Variants in DLAT observed in about 807,000 individuals in gnomAD.
DLAT encodes dihydrolipoamide S-acetyltransferase.
Under a neutral mutation model 68.0 loss-of-function variants are expected in DLAT, and 43 were observed. That is an observed-to-expected ratio of 0.63 (90% CI 0.50 to 0.81). DLAT has a LOEUF of 0.81. Ranked by LOEUF, DLAT falls within the 40% of genes least tolerant of loss-of-function variation. The pLI is 0.00. For synonymous variants in DLAT, 265 were observed against 288.6 expected, an observed-to-expected ratio of 0.92 and a Z score of 0.83; for missense variants, 745 against 815.4, an observed-to-expected ratio of 0.91 and a Z score of 1.05.
intron 10 of DLAT, among the ~76,000 whole-genome samples, chr11:112,046,943 C>T (rs1368722548): frequency 3.9e-5 from 6 of 152,164 alleles, no homozygotes; most frequent in African/African-American, 1.4e-4. Context: ...GTGCATGTGT[C>T]TTTATAGTAG....
intron 5 of DLAT, among the ~76,000 whole-genome samples, chr11:112,035,957 AT>A (rs71060206): frequency 8.2e-5 from 12 of 147,106 alleles, no homozygotes; most frequent in East Asian, 6.2e-4. Context: ...TGCCTGGCTA[AT>A]TTTTGTATTT....
intron 2 of DLAT, among the ~76,000 whole-genome samples, chr11:112,027,858 C>A (rs1862155432): frequency 6.6e-6 from 1 of 152,100 alleles, no homozygotes; most frequent in African/African-American, 2.4e-5. Context: ...CAGTACAGTC[C>A]AGCTTCGGCT....
Position 112,041,227 on chromosome 11 carries a change from G to A in DLAT, c.1129+1830G>A, listed in dbSNP as rs782247925. 1.1e-4 allele frequency among the ~76,000 whole-genome samples: 16 copies of A among 152,280 alleles called. 1 individual carries two copies. Among genetic ancestry groups the A allele is most frequent in the African/African-American group, 3.1e-4 (13 of 41,568 alleles). On this transcript the variant is annotated intron_variant, in intron 7 of 13. Transcript: ENST00000280346. ...GTATATAAAAACATTAGGTTTAATG[G>A]TTGTGAGGTTTAAATAAGTTAACCA...
chr11:112,030,295 C>A, intron 4 of DLAT: 1 of 549,032 alleles, frequency 1.8e-6, no homozygotes, highest in South Asian at 1.4e-5. Flanking sequence ...TTTGTGCGGC[C>A]AACTTCCTGA....
intron 11 of DLAT, among the ~76,000 whole-genome samples, chr11:112,055,413 T>A (rs1445326988): frequency 2.6e-5 from 4 of 151,414 alleles, no homozygotes; most frequent in Non-Finnish European, 5.9e-5. Flanking sequence ...CCGGCTAATT[T>A]TTTTGTATTT....
chr11:112,050,359 T>C (rs1240458302), intron 10 of DLAT, among the ~76,000 whole-genome samples: 1 of 152,058 alleles, frequency 6.6e-6, no homozygotes, highest in African/African-American at 2.4e-5. Flanking sequence ...TCTTTGGTTT[T>C]GGTATCAGGC....
At position 112,025,654 on chromosome 11, in the gene DLAT, G is replaced by A; in HGVS notation, c.182G>A (p.Trp61Ter). The change falls in exon 1 of 14, where the codon TGG becomes TAG. Residue 61 changes from tryptophan to a stop codon, truncating the protein, a stop_gained. Transcript: ENST00000280346. LOFTEE classifies it high-confidence loss of function. ...GGCGGGGTCCGGGCACTGTGCGGCT[G>A]GACCCCCAGTTCTGGGGCCACGCCG... ...GYGGVRALCG[W>*]TPSSGATPRN... The A allele has an allele frequency of 6.2e-7, 1 of 1,613,234 alleles. No individual in the cohort carries two copies. The highest frequency in any genetic ancestry group is 8.5e-7 in the Non-Finnish European group (1 of 1,179,980).
Position 112,060,073 on chromosome 11 carries a change from A to G in DLAT, c.1677+8A>G, listed in dbSNP as rs201994231. The G allele has an allele frequency of 8.9e-5, 143 of 1,608,490 alleles. No homozygotes were observed. The African/African-American group carries it at 1.8e-3, about 20-fold the overall frequency. On this transcript the variant is annotated splice_region_variant and intron_variant, in intron 12 of 13. Transcript: ENST00000280346. ...CAGCCACATGAATTCCAGGTAGGGT[A>G]TTAATTATTGCTTTCTAATTATGTT...
intron 2 of DLAT, 41 bp from the exon 3 acceptor site, chr11:112,028,474 C>T: frequency 6.6e-7 from 1 of 1,525,014 alleles, no homozygotes. Context: ...AAATTACATA[C>T]CAACAGTACA....
intron 9 of DLAT, 85 bp downstream of exon 9, chr11:112,045,315 C>A: frequency 1.8e-6 from 2 of 1,134,328 alleles, no homozygotes; most frequent in Non-Finnish European, 2.7e-6. Flanking sequence ...AACACATTAA[C>A]AGAGGCTTTT....
chr11:112,046,328 G>A (rs1313260917), intron 10 of DLAT, among the ~76,000 whole-genome samples: 1 of 151,868 alleles, frequency 6.6e-6, no homozygotes, highest in Non-Finnish European at 1.5e-5. Context: ...CCATTGTTTT[G>A]CATGTGGACA....
chr11:112,026,304 GTT>G lies in DLAT; in HGVS notation c.381+21_381+22del, dbSNP rs5794771. The stretch of plus-strand genomic sequence containing the variant: ...GAAGGTGACCTAATTGCAGAGGTAA[GTT>G]TTTTTTTTTTTTTTTAATTAATTTA... On this transcript the variant is annotated splice_donor_region_variant and intron_variant, in intron 2 of 13. Transcript: ENST00000280346. 3.2e-3 allele frequency: 3,259 copies of G among 1,031,280 alleles called. No individual in the cohort carries two copies. The highest frequency in any genetic ancestry group is 8.8e-3 in the African/African-American group (500 of 57,108). 63.9% of individuals were successfully genotyped at this position (1,031,280 alleles called of 1,614,324 possible). A position where few individuals can be genotyped will look rare whatever the true frequency, so the allele number is the denominator to read the frequency against.
intron 11 of DLAT, among the ~76,000 whole-genome samples, chr11:112,055,348 G>C (rs11214068): frequency 0.32 from 46,843 of 146,486 alleles, 8,296 homozygotes; most frequent in East Asian, 0.6. Flanking sequence ...GGTTCATGCC[G>C]TTCTCCTGCC....
chr11:112,027,492 C>T (rs1268371609), intron 2 of DLAT, among the ~76,000 whole-genome samples: 4 of 151,740 alleles, frequency 2.6e-5, no homozygotes, highest in South Asian at 2.1e-4. Flanking sequence ...ACTTCCCAGA[C>T]GGGGTGGCAG....
At chr11:112,034,892 G>A (rs1862615253) in intron 5 of DLAT, among the ~76,000 whole-genome samples, 1 of 151,688 alleles carries the variant, frequency 6.6e-6, no homozygotes. Context: ...TCCTGCCTCA[G>A]CCTCCCGAGT....
intron 8 of DLAT, among the ~76,000 whole-genome samples, chr11:112,044,931 G>A (rs1031801516): frequency 3.3e-5 from 5 of 151,906 alleles, no homozygotes; most frequent in African/African-American, 1.2e-4. Context: ...GCTACTCTAG[G>A]GGCTGAGATG....
At position 112,025,415 on chromosome 11, in the gene DLAT, T is replaced by A; in HGVS notation, c.-58T>A. On this transcript the variant is annotated 5_prime_UTR_variant, in exon 1 of 14. It adds an upstream start codon to the 5' untranslated region. Transcript: ENST00000280346. ...GTGGCTGACGGCAACGCCGCTGCTC[T>A]TGGAGAGGTCACTCCGGAGACGGCG... 1 of 1,573,936 alleles carries A rather than the reference T, an allele frequency of 6.4e-7. No homozygotes were observed. The highest frequency in any genetic ancestry group is 8.6e-7 in the Non-Finnish European group (1 of 1,165,034).
intron 7 of DLAT, among the ~76,000 whole-genome samples, chr11:112,043,048 G>A (rs1288990315): frequency 1.3e-5 from 2 of 152,202 alleles, no homozygotes; most frequent in African/African-American, 2.4e-5. Context: ...CACGGCTTAG[G>A]AATGGTTTTT....
intron 5 of DLAT, among the ~76,000 whole-genome samples, chr11:112,033,962 G>A (rs1246917047): frequency 6.6e-6 from 1 of 152,128 alleles, no homozygotes; most frequent in African/African-American, 2.4e-5. Flanking sequence ...TGGCTCAAGC[G>A]ATCCTCCTGC....
Sources: allele counts gnomAD v4.1 joint callset (sites outside exome capture counted in the v4.1 genomes callset), GRCh38; gene constraint gnomAD v4.1.1; transcripts MANE v1.5; gene names NCBI Gene and HGNC (gene_info 2026-07-23, HGNC 2026-07-21).